CNGB3: variants seen among roughly 807,000 people sequenced by gnomAD.
The protein encoded by CNGB3 is cyclic nucleotide-gated channel beta-3.
CNGB3 carries 86 observed loss-of-function variants against 92.8 expected under a neutral mutation model. The observed-to-expected ratio is 0.93, with a 90% CI of 0.78 to 1.11. CNGB3 has a LOEUF of 1.11. Ranked by LOEUF, CNGB3 falls within the 50% of genes least tolerant of loss-of-function variation. CNGB3 has a pLI of 0.00. For missense variants in CNGB3, 1,026 were observed against 956.8 expected (o/e 1.07, Z -0.95); for synonymous variants, 333 against 332.7 (o/e 1.00, Z -0.01).
intron 3 of CNGB3, among the ~76,000 whole-genome samples, chr8:86,721,154 T>C (rs1824965373): frequency 6.6e-6 from 1 of 151,724 alleles, no homozygotes; most frequent in Admixed American, 6.6e-5. Context: ...TTAGTAGAGA[T>C]GGGGTTTCAC....
intron 3 of CNGB3, among the ~76,000 whole-genome samples, chr8:86,726,066 C>A (rs754133849): frequency 2.8e-4 from 42 of 152,118 alleles, no homozygotes; most frequent in Non-Finnish European, 5.1e-4. Context: ...TGTTCCAGTT[C>A]TGTAATTATT....
chr8:86,583,571 C>T (rs900504117), intron 15 of CNGB3, among the ~76,000 whole-genome samples: 69 of 152,038 alleles, frequency 4.5e-4, no homozygotes, highest in African/African-American at 1.6e-3. Context: ...TCAAACTTGG[C>T]CACTTACCTG....
At chr8:86,729,473 G>C (rs542253409) in intron 2 of CNGB3, among the ~76,000 whole-genome samples, 3 of 152,252 alleles carry the variant, frequency 2.0e-5, no homozygotes, top group African/African-American at 4.8e-5. Flanking sequence ...AATTGATCCT[G>C]CCTCTATTTT....
At chr8:86,650,192 C>G (rs980642077) in intron 7 of CNGB3, among the ~76,000 whole-genome samples, 1 of 151,450 alleles carries the variant, frequency 6.6e-6, no homozygotes, top group African/African-American at 2.4e-5. Context: ...GTTGACCTGT[C>G]TAGTGCTACT....
In CNGB3 at chr8:86,575,458, A is replaced by C. The variant is rs1218735110; in HGVS notation, c.*346T>G. On this transcript the variant is annotated 3_prime_UTR_variant, in exon 18 of 18. Coordinates refer to ENST00000320005, the MANE Select transcript of CNGB3 (RefSeq NM_019098.5). ...ATTAAACACAATAAAAATTAAGAGA[A>C]AAGGTTAGTGAATCACATCACAGCC... The C allele has an allele frequency of 5.1e-6, 1 of 197,852 alleles. No homozygotes were observed. The highest frequency in any genetic ancestry group is 2.3e-5 in the African/African-American group (1 of 43,166). 12.3% of individuals were successfully genotyped at this position (197,852 alleles called of 1,614,324 possible). A position where few individuals can be genotyped will look rare whatever the true frequency, so the allele number is the denominator to read the frequency against.
Position 86,668,066 on chromosome 8 carries a change from TC to T in CNGB3, c.595del (p.Glu199SerfsTer3), listed in dbSNP as rs1823778696. 6 of 1,614,080 alleles carry T rather than the reference TC, an allele frequency of 3.7e-6. No individual in the cohort carries two copies. Among genetic ancestry groups the T allele is most frequent in the Non-Finnish European group, 5.1e-6 (6 of 1,179,970 alleles). On this transcript the variant is annotated frameshift_variant, in exon 5 of 18. Coordinates refer to ENST00000320005, the MANE Select transcript of CNGB3 (RefSeq NM_019098.5). LOFTEE classifies it high-confidence loss of function. ...TGGAAGTTTAATTCGCTTTAAGTAC[TC>T]TGTTAAAGGCATCTTTTTGACTTTG... The part of the protein sequence containing the change: ...WFKVKKMPLT[E>X]YLKRIKLPNS...
chr8:86,679,645 C>T (rs1199186434), intron 3 of CNGB3, among the ~76,000 whole-genome samples: 1 of 152,146 alleles, frequency 6.6e-6, no homozygotes, highest in African/African-American at 2.4e-5. Context: ...CCTGTCTCAG[C>T]TTCCCAAGTA....
chr8:86,712,132 A>G (rs1824762154), intron 3 of CNGB3, among the ~76,000 whole-genome samples: 1 of 152,084 alleles, frequency 6.6e-6, no homozygotes, highest in Non-Finnish European at 1.5e-5. Context: ...ACAATTTTAA[A>G]GTACCTTAAT....
intron 6 of CNGB3, among the ~76,000 whole-genome samples, chr8:86,663,492 C>A (rs1262545704): frequency 6.6e-6 from 1 of 152,208 alleles, no homozygotes; most frequent in Non-Finnish European, 1.5e-5. Context: ...GCACCTCAAT[C>A]TGTTGTCTGT....
intron 15 of CNGB3, among the ~76,000 whole-genome samples, chr8:86,592,311 C>A (rs920341649): frequency 1.3e-5 from 2 of 152,252 alleles, no homozygotes; most frequent in Admixed American, 6.5e-5. Flanking sequence ...CTGCGTCGCT[C>A]AGGCTGGGAG....
intron 10 of CNGB3, among the ~76,000 whole-genome samples, chr8:86,639,343 T>C (rs780201942): frequency 1.6e-4 from 25 of 152,138 alleles, no homozygotes; most frequent in Non-Finnish European, 3.4e-4. Context: ...TTGAACTAAA[T>C]ATTTGCATTC....
chr8:86,612,063 T>G (rs1264745975), intron 13 of CNGB3, among the ~76,000 whole-genome samples: 1 of 152,180 alleles, frequency 6.6e-6, no homozygotes, highest in Non-Finnish European at 1.5e-5. Flanking sequence ...CCAACATAGA[T>G]CAAAATCTTT....
At chr8:86,660,881 C>G in intron 6 of CNGB3, 1 of 375,784 alleles carries the variant, frequency 2.7e-6, no homozygotes, top group East Asian at 7.3e-5. Flanking sequence ...TAGCTCAAGG[C>G]AATAACATTC....
chr8:86,594,866 G>A (rs764109482), intron 15 of CNGB3, among the ~76,000 whole-genome samples: 23 of 151,976 alleles, frequency 1.5e-4, no homozygotes, highest in African/African-American at 1.5e-4. Context: ...GTGCCACCAC[G>A]CCCAGCTAAT....
chr8:86,688,708 T>C (rs1824237399), intron 3 of CNGB3, among the ~76,000 whole-genome samples: 1 of 152,040 alleles, frequency 6.6e-6, no homozygotes, highest in African/African-American at 2.4e-5. Context: ...TATATTTTTT[T>C]CTTAGTCTTG....
chr8:86,667,922 G>C, intron 5 of CNGB3, 97 bp downstream of exon 5: 1 of 1,307,242 alleles, frequency 7.6e-7, no homozygotes, highest in Non-Finnish European at 1.1e-6. Flanking sequence ...TTGAGAATAT[G>C]AAGTAAGGAA....
rs922628636 is a variant in CNGB3 at position 86,726,551 on chromosome 8, G to A, written c.318C>T (p.Pro106=). Residue 106 remains proline (P), a synonymous_variant, in exon 3 of 18, where the codon CCC becomes CCT. Coordinates refer to ENST00000320005, the MANE Select transcript of CNGB3 (RefSeq NM_019098.5). ...GTVPEQKEMD[P]GKEGPNSPQN... is the part of the protein sequence containing the mutation. ...CTCACCTGTTTGGACCTTCTTTCCC[G>A]GGGTCCATTTCCTTCTGCTCTGGCA... 11 of 1,613,694 alleles carry A rather than the reference G, an allele frequency of 6.8e-6. No individual in the cohort carries two copies. Among genetic ancestry groups the A allele is most frequent in the African/African-American group, 4.0e-5 (3 of 74,974 alleles).
chr8:86,596,000 A>T (rs1322786325), intron 15 of CNGB3, among the ~76,000 whole-genome samples: 1 of 152,224 alleles, frequency 6.6e-6, no homozygotes, highest in African/African-American at 2.4e-5. Flanking sequence ...TAAAACATAC[A>T]AGAATATATC....
intron 6 of CNGB3, chr8:86,661,971 C>A (rs1823649233): frequency 3.7e-6 from 2 of 533,622 alleles, no homozygotes; most frequent in South Asian, 2.6e-5. Flanking sequence ...ACAGTCCTGG[C>A]CTCCGTGGTG....
Sources: gnomAD v4.1 joint callset for allele counts (sites outside exome capture counted in the v4.1 genomes callset) on GRCh38, gnomAD v4.1.1 for gene constraint, MANE v1.5 for transcripts, NCBI Gene and HGNC (gene_info 2026-07-23, HGNC 2026-07-21) for gene names.